Variants in DNAJB1 observed in about 807,000 individuals in gnomAD.
The protein encoded by DNAJB1 is dnaJ homolog subfamily B member 1.
In DNAJB1, 14 loss-of-function variants were observed where a neutral mutation model predicts 24.0. The ratio of observed to expected loss-of-function variants is 0.58; its 90% CI spans 0.39 to 0.91. The LOEUF is 0.91. DNAJB1 is among the 40% of genes least tolerant of loss of function. DNAJB1 has a pLI of 0.00. For missense variants in DNAJB1, 517 were observed against 458.1 expected (o/e 1.13, Z -1.17); for synonymous variants, 262 against 174.4 (o/e 1.50, Z -3.96).
At chr19:14,555,223 G>T (rs1159592274), upstream of DNAJB1, among the ~76,000 whole-genome samples, 2 of 151,564 alleles carry the variant, frequency 1.3e-5, no homozygotes, top group African/African-American at 4.8e-5. Context: ...TAGGACCATA[G>T]GTGCGAGTCA....
At chr19:14,517,730 C>A in intron 1 of DNAJB1, 1 of 170,294 alleles carries the variant, frequency 5.9e-6, no homozygotes, top group Non-Finnish European at 1.2e-5. Flanking sequence ...GCATTCACAA[C>A]CCCTCGCCCC....
intron 2 of DNAJB1, among the ~76,000 whole-genome samples, chr19:14,526,394 G>T (rs1389382062): frequency 6.6e-6 from 1 of 152,252 alleles, no homozygotes; most frequent in South Asian, 2.1e-4. Flanking sequence ...CATTCCAAGG[G>T]TGGGTTTCAT....
At chr19:14,545,337 G>A (rs1005078380) in intron 1 of DNAJB1, among the ~76,000 whole-genome samples, 2 of 152,192 alleles carry the variant, frequency 1.3e-5, no homozygotes, top group African/African-American at 4.8e-5. Flanking sequence ...GCCTCATGCT[G>A]GCCCTCAGCT....
rs35585506 is a variant in DNAJB1, at chr19:14,546,271, A to ATT, written c.-214+3935_-214+3936dup. Among the ~76,000 whole-genome samples, 15 of 148,998 alleles carry ATT rather than the reference A, an allele frequency of 1.0e-4. No homozygotes were observed. The South Asian group carries it at 1.5e-3, about 15-fold the overall frequency. On this transcript the variant is annotated intron_variant, in intron 1 of 3. Coordinates refer to the DNAJB1 transcript ENST00000676982. ...ACTCAGAAGGAATTCTAGATTTGGG[A>ATT]TTTTTTTTTTTGCTCTGAGAAAACT...
At chr19:14,529,287 G>A (rs926761926) in exon 1 of DNAJB1, 1 of 346,422 alleles carries the variant, frequency 2.9e-6, no homozygotes, top group Non-Finnish European at 5.6e-6. Context: ...CCCCGCCCCC[G>A]CGTCTGGCCT....
chr19:14,520,655 G>T (rs915423259), upstream of DNAJB1, among the ~76,000 whole-genome samples: 4 of 152,110 alleles, frequency 2.6e-5, no homozygotes, highest in African/African-American at 9.7e-5. Context: ...TTGAGCAGGG[G>T]TCCTGAAGCA....
At chr19:14,537,227 G>T (rs1450137850) in intron 1 of DNAJB1, among the ~76,000 whole-genome samples, 1 of 118,924 alleles carries the variant, frequency 8.4e-6, no homozygotes, top group African/African-American at 3.2e-5. Context: ...AGGAGGCGGG[G>T]CAAGAAGGAA....
At chr19:14,529,854 C>T (rs2072554170), upstream of DNAJB1, 9 of 1,146,012 alleles carry the variant, frequency 7.9e-6, no homozygotes, top group East Asian at 1.8e-4. Flanking sequence ...AGCGTTGCGC[C>T]CCGGGCCACT....
chr19:14,557,905 A>G (rs913951437), intron 1 of DNAJB1, among the ~76,000 whole-genome samples: 2 of 151,458 alleles, frequency 1.3e-5, no homozygotes, highest in African/African-American at 4.9e-5. Flanking sequence ...ACAGGCACCC[A>G]CCACCGCACC....
At chr19:14,555,816 G>C (rs971313809) in intron 1 of DNAJB1, among the ~76,000 whole-genome samples, 5 of 152,148 alleles carry the variant, frequency 3.3e-5, no homozygotes, top group African/African-American at 1.2e-4. Context: ...GAACTCCTGG[G>C]CTTAAGTGAT....
chr19:14,517,172 G>C, intron 1 of DNAJB1, 126 bp from the exon 2 acceptor site: 1 of 942,532 alleles, frequency 1.1e-6, no homozygotes, highest in Non-Finnish European at 1.5e-6. Context: ...GGGAGAGCAA[G>C]GAAGAACCCC....
chr19:14,545,725 ACAGACAC>A (rs1459310034), intron 1 of DNAJB1: 1 of 161,052 alleles, frequency 6.2e-6, no homozygotes, highest in Non-Finnish European at 1.4e-5. Flanking sequence ...TTTGGGAGTG[ACAGACAC>A]CCCTGCACAC....
upstream of DNAJB1, among the ~76,000 whole-genome samples, chr19:14,553,669 C>T (rs529128097): frequency 5.7e-4 from 87 of 152,202 alleles, no homozygotes; most frequent in African/African-American, 2.0e-3. Flanking sequence ...GAGCCGGAGT[C>T]CAGATGAATG....
intron 1 of DNAJB1, chr19:14,517,878 C>T: frequency 2.7e-6 from 1 of 377,008 alleles, no homozygotes; most frequent in Non-Finnish European, 4.7e-6. Flanking sequence ...CCCGGGGCTG[C>T]TCGGGGCCGC....
At chr19:14,540,262 G>T (rs2073052340) in intron 1 of DNAJB1, among the ~76,000 whole-genome samples, 1 of 151,714 alleles carries the variant, frequency 6.6e-6, no homozygotes, top group Non-Finnish European at 1.5e-5. Context: ...TAGAGACAGG[G>T]TTTCACTGTG....
intron 1 of DNAJB1, among the ~76,000 whole-genome samples, chr19:14,542,497 G>A (rs557542879): frequency 1.3e-5 from 2 of 151,576 alleles, no homozygotes; most frequent in East Asian, 1.9e-4. Flanking sequence ...GAGTAGCTGG[G>A]ATTACAGGCA....
chr19:14,534,164 G>A (rs9710427), upstream of DNAJB1: 49,223 of 149,666 alleles, frequency 0.33, 8,751 homozygotes, highest in Non-Finnish European at 0.41. Context: ...TCGCACTCTC[G>A]CCCAGGCTGG....
At chr19:14,524,839 C>A (rs4926223) in intron 2 of DNAJB1, among the ~76,000 whole-genome samples, 41,632 of 104,380 alleles carry the variant, frequency 0.4, 7,587 homozygotes, top group African/African-American at 0.58. Context: ...GAGCGAGACT[C>A]GTTCTCAAAA....
At chr19:14,543,689 C>T (rs796641545) in intron 1 of DNAJB1, among the ~76,000 whole-genome samples, 27 of 150,482 alleles carry the variant, frequency 1.8e-4, no homozygotes, top group African/African-American at 5.9e-4. Context: ...CCTCCCGCCT[C>T]GGCCTCCCAA....
Sources: gnomAD v4.1 joint callset for allele counts (sites outside exome capture counted in the v4.1 genomes callset) on GRCh38, gnomAD v4.1.1 for gene constraint, MANE v1.5 for transcripts, NCBI Gene and HGNC (gene_info 2026-07-23, HGNC 2026-07-21) for gene names.